AGBL4: variants seen among roughly 807,000 people sequenced by gnomAD.
AGBL4 encodes the protein AGBL carboxypeptidase 4, also known as cytosolic carboxypeptidase 6.
In AGBL4, 58 loss-of-function variants were observed where a neutral mutation model predicts 66.4. The ratio of observed to expected loss-of-function variants is 0.87; its 90% confidence interval spans 0.71 to 1.09. AGBL4 has a LOEUF of 1.09. Ranked by LOEUF, AGBL4 falls within the 50% of genes least tolerant of loss-of-function variation. The probability of loss-of-function intolerance (pLI) is 0.00; values close to 1 mark genes in which losing one functional copy is unlikely to be tolerated. For missense variants in AGBL4, 579 were observed against 631.0 expected, an observed-to-expected ratio of 0.92 and a Z score of 0.88; for synonymous variants, 234 against 222.9, an observed-to-expected ratio of 1.05 and a Z score of -0.44.
intron 3 of AGBL4, among the ~76,000 whole-genome samples, chr1:49,465,237 A>G (rs1046293350): frequency 4.6e-5 from 7 of 150,720 alleles, no homozygotes; most frequent in Non-Finnish European, 7.4e-5. Flanking sequence ...ACACACACAC[A>G]CACACACACA....
chr1:49,555,862 TA>T (rs1186806572), intron 3 of AGBL4, among the ~76,000 whole-genome samples: 1 of 152,008 alleles, frequency 6.6e-6, no homozygotes, highest in Non-Finnish European at 1.5e-5. Flanking sequence ...TGGACATCAT[TA>T]AAAAGTCAGG....
intron 2 of AGBL4, among the ~76,000 whole-genome samples, chr1:49,834,779 T>A (rs1645801178): frequency 6.6e-6 from 1 of 152,204 alleles, no homozygotes; most frequent in Admixed American, 6.5e-5. Flanking sequence ...ATCTCTTTTT[T>A]CTCATTGGTT....
intron 2 of AGBL4, among the ~76,000 whole-genome samples, chr1:49,741,791 G>A (rs1177888820): frequency 4.6e-5 from 7 of 152,048 alleles, no homozygotes. Flanking sequence ...CAGAACCAAA[G>A]ACAAAAACCA....
intron 3 of AGBL4, among the ~76,000 whole-genome samples, chr1:49,331,866 A>G (rs553988229): frequency 6.7e-6 from 1 of 149,326 alleles, no homozygotes; most frequent in African/African-American, 2.5e-5. Flanking sequence ...CTCCCAGCCA[A>G]GGCCTCCAGC....
rs368436662 is a variant in AGBL4, at chr1:48,658,995, C to T, written c.724+4157G>A. On this transcript the variant is annotated intron_variant, in intron 7 of 13. Coordinates refer to ENST00000371839, the MANE Select transcript of AGBL4 (RefSeq NM_032785.4). ...TGATGGGCACCTTGGCATGTAGCAGCAGGGCTCAGGCTGGGAGGCAGGAGA... is the reference window on the plus strand; with the variant it reads ...TGATGGGCACCTTGGCATGTAGCAGTAGGGCTCAGGCTGGGAGGCAGGAGA... Among the ~76,000 whole-genome samples, 31 of 152,294 alleles carry T rather than the reference C, an allele frequency of 2.0e-4. No individual in the cohort carries two copies. The East Asian group carries it at 5.6e-3, about 28-fold the overall frequency.
chr1:49,059,343 T>C (rs1236179120), intron 4 of AGBL4, among the ~76,000 whole-genome samples: 1 of 152,162 alleles, frequency 6.6e-6, no homozygotes, highest in Admixed American at 6.5e-5. Flanking sequence ...TTCCATGTGG[T>C]GTTGGGCCTA....
chr1:49,916,108 G>C (rs1449755708), intron 1 of AGBL4, among the ~76,000 whole-genome samples: 1 of 152,004 alleles, frequency 6.6e-6, no homozygotes, highest in Non-Finnish European at 1.5e-5. Flanking sequence ...AAAGACCAAA[G>C]GTAGATAAAA....
At chr1:48,524,446 G>C in the AGBL4 span, among the ~76,000 whole-genome samples, 1 of 152,192 alleles carries the variant, frequency 6.6e-6, no homozygotes, top group Non-Finnish European at 1.5e-5. Context: ...GGACTGGCTT[G>C]GCTGAATCAG....
chr1:49,173,832 A>C (rs1266990937), intron 4 of AGBL4, among the ~76,000 whole-genome samples: 1 of 152,180 alleles, frequency 6.6e-6, no homozygotes, highest in Non-Finnish European at 1.5e-5. Context: ...ATACACAAAA[A>C]AGACCAAGGC....
At chr1:49,385,695 C>A (rs1644721868) in intron 3 of AGBL4, among the ~76,000 whole-genome samples, 1 of 151,772 alleles carries the variant, frequency 6.6e-6, no homozygotes, top group South Asian at 2.1e-4. Flanking sequence ...AGCCTTAATA[C>A]AAAAGAAACT....
At chr1:49,019,628 A>G (rs1295112820) in intron 5 of AGBL4, among the ~76,000 whole-genome samples, 5 of 151,758 alleles carry the variant, frequency 3.3e-5, no homozygotes, top group African/African-American at 1.2e-4. Context: ...AGAAAGAAAC[A>G]AAGTCTTCAG....
At chr1:49,335,594 C>T (rs1268347483) in intron 3 of AGBL4, among the ~76,000 whole-genome samples, 1 of 151,934 alleles carries the variant, frequency 6.6e-6, no homozygotes, top group Non-Finnish European at 1.5e-5. Flanking sequence ...TGGCTCACTG[C>T]AAGCTCCGCC....
At chr1:48,827,610 G>A (rs1411229168) in intron 6 of AGBL4, among the ~76,000 whole-genome samples, 4 of 152,134 alleles carry the variant, frequency 2.6e-5, no homozygotes, top group Non-Finnish European at 2.9e-5. Flanking sequence ...TTCAACTCAA[G>A]GCAAACATAA....
chr1:48,809,595 CT>C (rs1295050630), intron 6 of AGBL4, among the ~76,000 whole-genome samples: 3 of 152,146 alleles, frequency 2.0e-5, no homozygotes, highest in Non-Finnish European at 4.4e-5. Context: ...TGGAGGAAGA[CT>C]GGAGTCCTGC....
At chr1:48,997,072 G>A (rs569767418) in intron 5 of AGBL4, among the ~76,000 whole-genome samples, 5 of 152,052 alleles carry the variant, frequency 3.3e-5, no homozygotes, top group Admixed American at 6.5e-5. Context: ...ACAGGTGCCC[G>A]CCACCACGCC....
chr1:48,575,540 G>A (rs1304056514), intron 11 of AGBL4, among the ~76,000 whole-genome samples: 1 of 152,128 alleles, frequency 6.6e-6, no homozygotes, highest in African/African-American at 2.4e-5. Context: ...GGTTCCCATA[G>A]CCTTCTCCGG....
intron 1 of AGBL4, among the ~76,000 whole-genome samples, chr1:49,983,156 G>A (rs1328006489): frequency 6.6e-6 from 1 of 152,172 alleles, no homozygotes; most frequent in Non-Finnish European, 1.5e-5. Context: ...GCTGAAAAAC[G>A]CCCCTTACTC....
chr1:49,786,455 T>C (rs1288052501), intron 2 of AGBL4, among the ~76,000 whole-genome samples: 1 of 152,142 alleles, frequency 6.6e-6, no homozygotes, highest in African/African-American at 2.4e-5. Flanking sequence ...TTAACAAGCT[T>C]CCATTGTTTC....
chr1:49,402,937 T>A (rs538553048), intron 3 of AGBL4, among the ~76,000 whole-genome samples: 1 of 152,184 alleles, frequency 6.6e-6, no homozygotes, highest in Admixed American at 6.5e-5. Flanking sequence ...GTGATGCATG[T>A]GCTGAGGAAA....
Sources: allele counts gnomAD v4.1 joint callset (sites outside exome capture counted in the v4.1 genomes callset), GRCh38; gene constraint gnomAD v4.1.1; transcripts MANE v1.5; gene names NCBI Gene and HGNC (gene_info 2026-07-23, HGNC 2026-07-21).